The following CD200R1L variants were observed in gnomAD, a reference collection of about 807,000 sequenced individuals.
CD200R1L encodes CD200 receptor 1 like.
Under a neutral mutation model 24.8 loss-of-function variants are expected in CD200R1L, and 14 were observed. That is an observed-to-expected ratio of 0.56 (90% CI 0.37 to 0.88). CD200R1L has a LOEUF of 0.88. Among genes scored for constraint, CD200R1L ranks in the 40% least tolerant of loss-of-function variants. The probability of loss-of-function intolerance (pLI) is 0.00; values close to 1 mark genes in which losing one functional copy is unlikely to be tolerated. For missense variants in CD200R1L, 299 were observed against 297.8 expected (o/e 1.00, Z -0.03); for synonymous variants, 111 against 109.2 (o/e 1.02, Z -0.11).
At position 112,819,756 on chromosome 3, in the gene CD200R1L, A is replaced by G; in HGVS notation, c.740+16T>C. Reference sequence around the variant, plus strand: ...TTTTCTACTGTGTCTTATGCTTTTCAGTCTTCAGTTCCTACCTGACATGAT... The same window carrying G: ...TTTTCTACTGTGTCTTATGCTTTTCGGTCTTCAGTTCCTACCTGACATGAT... On this transcript the variant is annotated intron_variant, in intron 7 of 7. Coordinates refer to ENST00000488794, the MANE Select transcript of CD200R1L (RefSeq NM_001199215.3). 6.3e-7 allele frequency: 1 copy of G among 1,582,274 alleles called. No homozygotes were observed. The highest frequency in any genetic ancestry group is 8.5e-7 in the Non-Finnish European group (1 of 1,170,600).
intron 2 of CD200R1L, among the ~76,000 whole-genome samples, chr3:112,844,211 C>T (rs1055911963): frequency 2.0e-5 from 3 of 152,168 alleles, no homozygotes; most frequent in African/African-American, 4.8e-5. Context: ...CAGACATCTA[C>T]AGACAACTCC....
In CD200R1L at chr3:112,830,713, A is replaced by G. The variant is rs137924955; in HGVS notation, c.-17-1329T>C. Among the ~76,000 whole-genome samples, 14 of 152,226 alleles carry G rather than the reference A, an allele frequency of 9.2e-5. No individual in the cohort carries two copies. The East Asian group carries it at 2.7e-3, about 29-fold the overall frequency. On this transcript the variant is annotated intron_variant, in intron 3 of 7. Coordinates refer to ENST00000488794, the MANE Select transcript of CD200R1L (RefSeq NM_001199215.3). ...GAAAACGAAAATGATAAAAATTTCT[A>G]CATGCCAATTTCTTCTATTGGGTCT...
chr3:112,832,985 A>T (rs1180788739), intron 3 of CD200R1L, among the ~76,000 whole-genome samples: 6 of 152,232 alleles, frequency 3.9e-5, no homozygotes, highest in Non-Finnish European at 8.8e-5. Context: ...TGAATACCTT[A>T]GTTAATCACA....
intron 1 of CD200R1L, among the ~76,000 whole-genome samples, 198 bp downstream of exon 1, chr3:112,846,427 A>G (rs1400965393): frequency 6.6e-6 from 1 of 152,256 alleles, no homozygotes. Flanking sequence ...GGGCTAACAT[A>G]AAGCTTCTAA....
chr3:112,831,269 A>C (rs947171298), intron 3 of CD200R1L, among the ~76,000 whole-genome samples: 2 of 152,330 alleles, frequency 1.3e-5, no homozygotes, highest in East Asian at 3.9e-4. Context: ...ATGATTTGGT[A>C]TGCAACAAAA....
chr3:112,819,915 T>A lies in CD200R1L; in HGVS notation c.617-20A>T, dbSNP rs1938493023. ...TGAGACCTTTAAATACAGACAGGGG[T>A]GAAAAATCATTTCAAGCATTCTTCT... On this transcript the variant is annotated intron_variant, in intron 6 of 7. Coordinates refer to ENST00000488794, the MANE Select transcript of CD200R1L (RefSeq NM_001199215.3). The A allele has an allele frequency of 6.5e-7, 1 of 1,549,280 alleles. No homozygotes were observed. Among genetic ancestry groups the A allele is most frequent in the African/African-American group, 1.4e-5 (1 of 71,308 alleles).
intron 4 of CD200R1L, 49 bp from the exon 5 acceptor site, chr3:112,827,733 C>G (rs373213224): frequency 1.3e-6 from 2 of 1,527,306 alleles, no homozygotes; most frequent in African/African-American, 2.8e-5. Context: ...TGATAAGGAA[C>G]TTCATGTGTT....
intron 6 of CD200R1L, among the ~76,000 whole-genome samples, chr3:112,824,057 G>A (rs1471765446): frequency 6.6e-6 from 1 of 152,182 alleles, no homozygotes; most frequent in Non-Finnish European, 1.5e-5. Context: ...AGGAAGTTAA[G>A]CTGGGTCCAG....
chr3:112,816,587 C>A (rs1333732902), intron 7 of CD200R1L, among the ~76,000 whole-genome samples: 1 of 152,098 alleles, frequency 6.6e-6, no homozygotes, highest in Non-Finnish European at 1.5e-5. Flanking sequence ...ACTCATCTGC[C>A]ACAAGGAGAA....
chr3:112,827,724 G>A lies in CD200R1L; in HGVS notation c.50-40C>T, dbSNP rs763539182. ...AAAGGATAATGATATAGAAAACCTT[G>A]ATAAGGAACTTCATGTGTTATGTTT... On this transcript the variant is annotated intron_variant, in intron 4 of 7. Coordinates refer to ENST00000488794, the MANE Select transcript of CD200R1L (RefSeq NM_001199215.3). The A allele has an allele frequency of 7.1e-6, 11 of 1,553,338 alleles. No homozygotes were observed. In the Admixed American group the frequency reaches 2.0e-4, roughly 29 times the overall value.
At chr3:112,822,115 A>G (rs1000141494) in intron 6 of CD200R1L, among the ~76,000 whole-genome samples, 3 of 152,226 alleles carry the variant, frequency 2.0e-5, no homozygotes, top group African/African-American at 4.8e-5. Flanking sequence ...CCAACTCTCA[A>G]GGACCTTACA....
intron 3 of CD200R1L, among the ~76,000 whole-genome samples, chr3:112,836,399 G>T (rs929688208): frequency 6.6e-6 from 1 of 152,204 alleles, no homozygotes; most frequent in African/African-American, 2.4e-5. Context: ...TGCATCAATA[G>T]GACTGTTTTT....
At chr3:112,829,259 T>A (rs902579145) in intron 4 of CD200R1L, 60 bp downstream of exon 4, 41 of 1,314,796 alleles carry the variant, frequency 3.1e-5, no homozygotes, top group Non-Finnish European at 4.2e-5. Context: ...CAGCTAATGA[T>A]TCTACTGAAG....
chr3:112,838,489 C>CA (rs369499771), intron 2 of CD200R1L, among the ~76,000 whole-genome samples: 15,163 of 137,022 alleles, frequency 0.11, 888 homozygotes, highest in Admixed American at 0.18. Flanking sequence ...AACAAACAAA[C>CA]AAAAAAAAAC....
intron 3 of CD200R1L, among the ~76,000 whole-genome samples, chr3:112,834,666 C>T (rs1251007720): frequency 6.6e-6 from 1 of 152,216 alleles, no homozygotes; most frequent in Non-Finnish European, 1.5e-5. Flanking sequence ...GCTCATTCTG[C>T]CTATTTGGCC....
intron 2 of CD200R1L, among the ~76,000 whole-genome samples, chr3:112,838,491 A>AAC (rs201714056): frequency 4.2e-4 from 63 of 150,022 alleles, no homozygotes; most frequent in South Asian, 2.9e-3. Context: ...CAAACAAACA[A>AAC]AAAAAAACGG....
chr3:112,831,776 C>T (rs968277812), intron 3 of CD200R1L, among the ~76,000 whole-genome samples: 4 of 152,172 alleles, frequency 2.6e-5, no homozygotes, highest in African/African-American at 9.7e-5. Flanking sequence ...CTGCCAACAC[C>T]TTGATCTCGG....
chr3:112,828,390 A>C (rs1938717726), intron 4 of CD200R1L, among the ~76,000 whole-genome samples: 1 of 152,022 alleles, frequency 6.6e-6, no homozygotes, highest in South Asian at 2.1e-4. Flanking sequence ...CATCCCATGT[A>C]AGTAAAAAAA....
At chr3:112,839,028 T>C (rs763338127) in intron 2 of CD200R1L, among the ~76,000 whole-genome samples, 6 of 152,184 alleles carry the variant, frequency 3.9e-5, no homozygotes, top group Non-Finnish European at 7.4e-5. Context: ...ACAATTGCAA[T>C]AATCAATTCC....
Sources: allele counts gnomAD v4.1 joint callset (sites outside exome capture counted in the v4.1 genomes callset), GRCh38; gene constraint gnomAD v4.1.1; transcripts MANE v1.5; gene names NCBI Gene and HGNC (gene_info 2026-07-23, HGNC 2026-07-21).